Variants in DNAH5 observed in about 807,000 individuals in gnomAD.
The protein encoded by DNAH5 is dynein axonemal heavy chain 5, also known as axonemal beta dynein heavy chain 5.
DNAH5 carries 372 observed loss-of-function variants against 518.2 expected under a neutral mutation model. That is an observed-to-expected ratio of 0.72 (90% CI 0.66 to 0.78). The LOEUF is 0.78. Ranked by LOEUF, DNAH5 falls within the 30% of genes least tolerant of loss-of-function variation. The pLI, the probability that DNAH5 is intolerant of heterozygous loss-of-function variation, is 0.00. For missense variants in DNAH5, 5,523 were observed against 5,687.0 expected (o/e 0.97, Z 0.93); for synonymous variants, 2,039 against 2,025.9 (o/e 1.01, Z -0.17).
Position 13,842,431 on chromosome 5 carries a change from GAA to G in DNAH5, c.5272-529_5272-528del, listed in dbSNP as rs1179840022. Reference sequence around the variant, plus strand: ...GAGAAAGAAAAGAAAAGAAAAGAAAGAAAGAAAGAAAGAAAGAAAGAAAGAAA... The same window carrying G: ...GAGAAAGAAAAGAAAAGAAAAGAAAGAGAAAGAAAGAAAGAAAGAAAGAAA... On this transcript the variant is annotated intron_variant, in intron 32 of 78. Transcript: ENST00000265104. Among the ~76,000 whole-genome samples the G allele has an allele frequency of 8.4e-4, 50 of 59,550 alleles. 1 individual carries two copies. The highest frequency in any genetic ancestry group is 3.1e-3 in the African/African-American group (47 of 14,962). The allele number at this position is 59,550 out of a possible 152,430, so 39.1% of individuals were successfully genotyped here.
chr5:13,930,177 G>A (rs73061219), intron 2 of DNAH5, among the ~76,000 whole-genome samples: 5,049 of 152,182 alleles, frequency 0.033, 292 homozygotes, highest in African/African-American at 0.11. Flanking sequence ...CCCCACCAGA[G>A]TAGCCCAGCA....
chr5:13,839,524 T>A lies in DNAH5; in HGVS notation c.5714A>T (p.His1905Leu), dbSNP rs776745317. The change falls in exon 35 of 79, where the codon CAT (histidine) becomes CTT (leucine). Residue 1905 changes from histidine to leucine, a missense_variant. Physicochemically the swap from His to Leu is moderately conservative, Grantham distance 99 (BLOSUM62 -3). Coordinates refer to ENST00000265104, the MANE Select transcript of DNAH5 (RefSeq NM_001369.3). ...HQRDIFDDLC[H>L]MHIKSPMDFE... ...GTCCATGGGACTCTTGATATGCATA[T>A]GACACTGAAATTCAAAAGGTATATG... The A allele has an allele frequency of 6.2e-7, 1 of 1,613,330 alleles. No individual in the cohort carries two copies. The highest frequency in any genetic ancestry group is 8.5e-7 in the Non-Finnish European group (1 of 1,179,512).
At chr5:14,001,702 T>TTAAAC (rs1482889615) in intron 1 of DNAH5, among the ~76,000 whole-genome samples, 11 of 151,630 alleles carry the variant, frequency 7.3e-5, no homozygotes, top group Non-Finnish European at 1.5e-4. Context: ...AAGGATACTT[T>TTAAAC]ATAACTGAAA....
intron 31 of DNAH5, among the ~76,000 whole-genome samples, chr5:13,848,233 TTA>T (rs1369628984): frequency 6.6e-6 from 1 of 152,210 alleles, no homozygotes; most frequent in Non-Finnish European, 1.5e-5. Flanking sequence ...TTCTAAATCT[TTA>T]TGTTAGAAGA....
chr5:13,811,309 G>A (rs11133763), intron 44 of DNAH5, among the ~76,000 whole-genome samples: 30,605 of 152,086 alleles, frequency 0.2, 3,338 homozygotes, highest in East Asian at 0.54. Flanking sequence ...TACCCCATAA[G>A]TATGTATACC....
chr5:13,903,363 T>C (rs1774913464), intron 12 of DNAH5, among the ~76,000 whole-genome samples: 1 of 151,882 alleles, frequency 6.6e-6, no homozygotes. Context: ...AAATAAGGTG[T>C]AACATATGTC....
At chr5:13,721,295 G>A in intron 70 of DNAH5, 50 bp from the exon 71 acceptor site, 2 of 1,611,492 alleles carry the variant, frequency 1.2e-6, no homozygotes, top group South Asian at 1.1e-5. Context: ...ACTCTTTCAT[G>A]TAGATAATGT....
In DNAH5 at chr5:13,870,816, T is replaced by C. The variant is rs1561475359; in HGVS notation, c.3785A>G (p.Glu1262Gly). 6.2e-7 allele frequency: 1 copy of C among 1,613,874 alleles called. No homozygotes were observed. Among genetic ancestry groups the C allele is most frequent in the Non-Finnish European group, 8.5e-7 (1 of 1,179,828 alleles). Reference protein sequence around the residue: ...DIRIAMAALKEIREEQISIDF... With the variant: ...DIRIAMAALKGIREEQISIDF... ...AATGGAGATTTGCTCCTCCCTTATT[T>C]CTTTCAGCGCTGCCATTGCAATCCG... is the stretch of plus-strand genomic sequence containing the variant. Residue 1262 changes from glutamate (E) to glycine (G), a missense_variant, in exon 24 of 79, where the codon GAA becomes GGA. This residue lies in a region of DNAH5 where 5,121 missense variants were observed against 5,223.3 expected (regional missense o/e 0.98). Coordinates refer to ENST00000265104, the MANE Select transcript of DNAH5 (RefSeq NM_001369.3).
chr5:13,849,339 A>G (rs1766494538), intron 31 of DNAH5, among the ~76,000 whole-genome samples: 1 of 152,236 alleles, frequency 6.6e-6, no homozygotes, highest in Admixed American at 6.5e-5. Context: ...GTATGCGGTG[A>G]TTCCATTCCC....
chr5:13,820,966 T>G (rs1370272781), intron 40 of DNAH5, among the ~76,000 whole-genome samples: 1 of 152,114 alleles, frequency 6.6e-6, no homozygotes, highest in Non-Finnish European at 1.5e-5. Context: ...TAAAAAAGGT[T>G]CTGAAGATGG....
At chr5:13,757,424 G>A (rs956714418) in intron 61 of DNAH5, among the ~76,000 whole-genome samples, 3 of 152,126 alleles carry the variant, frequency 2.0e-5, no homozygotes, top group Non-Finnish European at 4.4e-5. Context: ...GTAACTGATT[G>A]TGGTTTTGAT....
intron 55 of DNAH5, among the ~76,000 whole-genome samples, chr5:13,775,240 C>A (rs1753917802): frequency 6.6e-6 from 1 of 150,492 alleles, no homozygotes; most frequent in South Asian, 2.1e-4. Flanking sequence ...AAAGGCAGAA[C>A]TGTGCTGTAA....
At position 13,809,084 on chromosome 5, in the gene DNAH5, C is replaced by A; in HGVS notation, c.7712G>T (p.Arg2571Met). The A allele has an allele frequency of 6.2e-7, 1 of 1,614,160 alleles. No homozygotes were observed. The highest frequency in any genetic ancestry group is 8.5e-7 in the Non-Finnish European group (1 of 1,180,026). The part of the protein sequence containing the change: ...SILVPNVDNV[R>M]TDFLIQTIAK... ...AATGGTTTGAATTAGAAAGTCAGTCCTCACATTGTCAACATTTGGCACCAG... is the reference window on the plus strand; with the variant it reads ...AATGGTTTGAATTAGAAAGTCAGTCATCACATTGTCAACATTTGGCACCAG... Residue 2571 changes from arginine (R) to methionine (M), a missense_variant, in exon 46 of 79, where the codon AGG (arginine) becomes ATG (methionine). By Grantham distance (91) the Arg-to-Met change is moderately conservative. Transcript: ENST00000265104.
In DNAH5 at chr5:13,923,437, T is replaced by G; in HGVS notation, c.281A>C (p.Gln94Pro). 3.7e-6 allele frequency: 6 copies of G among 1,614,070 alleles called. No homozygotes were observed. Among genetic ancestry groups the G allele is most frequent in the Non-Finnish European group, 5.1e-6 (6 of 1,179,982 alleles). ...ATTTACCCCTCCTAGAGAGCCAAGTTGTCCTACAAAAGCAAAATAATTTTA... is the reference window on the plus strand; with the variant it reads ...ATTTACCCCTCCTAGAGAGCCAAGTGGTCCTACAAAAGCAAAATAATTTTA... ...YQDVEEAETG[Q>P]LGSLGGVNLV... The change falls in exon 4 of 79, where the codon CAA (glutamine) becomes CCA (proline). Residue 94 changes from glutamine (Q) to proline (P), a missense_variant. Gln to Pro is a moderately conservative substitution (Grantham distance 76). Transcript: ENST00000265104.
intron 1 of DNAH5, among the ~76,000 whole-genome samples, chr5:13,995,043 C>T (rs977758308): frequency 4.6e-5 from 7 of 152,150 alleles, no homozygotes; most frequent in Admixed American, 4.6e-4. Flanking sequence ...CAATTTGAGA[C>T]TACACACCAC....
intron 22 of DNAH5, among the ~76,000 whole-genome samples, chr5:13,872,035 T>A (rs1367995086): frequency 1.3e-5 from 2 of 152,220 alleles, no homozygotes; most frequent in Non-Finnish European, 2.9e-5. Context: ...GAAGATCCTG[T>A]GGACAGGGCC....
intron 1 of DNAH5, among the ~76,000 whole-genome samples, chr5:13,978,237 C>A (rs1782416060): frequency 6.6e-6 from 1 of 152,218 alleles, no homozygotes; most frequent in South Asian, 2.1e-4. Context: ...CTCAGCCAGG[C>A]ATGGTACCCA....
At chr5:13,846,678 G>A (rs886337883) in intron 31 of DNAH5, among the ~76,000 whole-genome samples, 11 of 152,154 alleles carry the variant, frequency 7.2e-5, no homozygotes, top group Non-Finnish European at 1.6e-4. Context: ...ATGGACATGT[G>A]TACAGGGATG....
intron 59 of DNAH5, 76 bp from the exon 60 acceptor site, chr5:13,762,977 C>T (rs1283721099): frequency 1.6e-6 from 2 of 1,253,364 alleles, no homozygotes; most frequent in Admixed American, 1.7e-5. Flanking sequence ...CTCTCAATGC[C>T]ACTGAAACTA....
Sources: allele counts gnomAD v4.1 joint callset (sites outside exome capture counted in the v4.1 genomes callset), GRCh38; gene constraint gnomAD v4.1.1; regional missense constraint gnomAD v4.1.1; transcripts MANE v1.5; gene names NCBI Gene and HGNC (gene_info 2026-07-23, HGNC 2026-07-21).